The following NFIA variants were observed in gnomAD, a reference collection of about 807,000 sequenced individuals.
The protein encoded by NFIA is nuclear factor 1 A-type.
Under a neutral mutation model 62.8 loss-of-function variants are expected in NFIA, and 8 were observed. That is an observed-to-expected ratio of 0.13 (90% CI 0.07 to 0.23). NFIA has a LOEUF of 0.23. Ranked by LOEUF, NFIA falls within the 10% of genes least tolerant of loss-of-function variation. The pLI is 1.00. For missense variants in NFIA, 410 were observed against 642.1 expected, an observed-to-expected ratio of 0.64 and a Z score of 3.91; for synonymous variants, 235 against 238.1, an observed-to-expected ratio of 0.99 and a Z score of 0.12.
chr1:61,173,362 T>G lies in NFIA; in HGVS notation c.559+84682T>G, dbSNP rs539641777. On this transcript the variant is annotated intron_variant, in intron 2 of 10. Transcript: ENST00000403491. ...TGATCATGGGCAAGTCACTGACTTCTCCTTGCTTGAGATTTATTTTCTTCT... is the reference window on the plus strand; with the variant it reads ...TGATCATGGGCAAGTCACTGACTTCGCCTTGCTTGAGATTTATTTTCTTCT... Among the ~76,000 whole-genome samples, 14 of 152,288 alleles carry G rather than the reference T, an allele frequency of 9.2e-5. No individual in the cohort carries two copies. The East Asian group carries it at 1.4e-3, about 15-fold the overall frequency.
chr1:61,445,741 A>G (rs1308045138), intron 10 of NFIA, among the ~76,000 whole-genome samples: 1 of 152,198 alleles, frequency 6.6e-6, no homozygotes, highest in East Asian at 1.9e-4. Flanking sequence ...TCCCATCTAG[A>G]TTATATCAGT....
At chr1:61,200,531 G>T (rs1652401682) in intron 2 of NFIA, among the ~76,000 whole-genome samples, 1 of 152,074 alleles carries the variant, frequency 6.6e-6, no homozygotes, top group African/African-American at 2.4e-5. Flanking sequence ...GATTTGATCT[G>T]CCAGTCAACA....
chr1:61,298,982 GTAGT>G (rs1448026748), intron 3 of NFIA, among the ~76,000 whole-genome samples: 1 of 152,114 alleles, frequency 6.6e-6, no homozygotes, highest in Non-Finnish European at 1.5e-5. Flanking sequence ...TGTTTGTAGA[GTAGT>G]TATTTTGAAA....
intron 7 of NFIA, among the ~76,000 whole-genome samples, chr1:61,399,874 T>C (rs1665465088): frequency 1.3e-5 from 2 of 152,244 alleles, no homozygotes; most frequent in Non-Finnish European, 2.9e-5. Flanking sequence ...GGTTGTATTA[T>C]AGAAGTCTTG....
chr1:61,209,293 A>G (rs905343927), intron 2 of NFIA, among the ~76,000 whole-genome samples: 1 of 152,120 alleles, frequency 6.6e-6, no homozygotes, highest in Non-Finnish European at 1.5e-5. Context: ...CGTCGTGTGT[A>G]TACAGATTTG....
At chr1:61,354,409 T>C (rs1356392936) in intron 5 of NFIA, among the ~76,000 whole-genome samples, 1 of 152,212 alleles carries the variant, frequency 6.6e-6, no homozygotes, top group African/African-American at 2.4e-5. Context: ...CCGATCAATA[T>C]GTCTTCCTGC....
chr1:61,100,023 A>T (rs541322357), intron 2 of NFIA, among the ~76,000 whole-genome samples: 4 of 152,324 alleles, frequency 2.6e-5, no homozygotes, highest in African/African-American at 9.6e-5. Context: ...TAGACTTGAA[A>T]CTATGGATGG....
At chr1:61,161,742 T>C (rs572227632) in intron 2 of NFIA, among the ~76,000 whole-genome samples, 10 of 152,258 alleles carry the variant, frequency 6.6e-5, no homozygotes, top group African/African-American at 2.4e-4. Context: ...TTTACATTTA[T>C]ATATACACAC....
chr1:61,444,388 T>C (rs1274664794), intron 10 of NFIA, among the ~76,000 whole-genome samples: 1 of 152,214 alleles, frequency 6.6e-6, no homozygotes, highest in Non-Finnish European at 1.5e-5. Context: ...CCTCTGAGTC[T>C]GAAATGCCTG....
At chr1:61,315,434 C>T (rs41423747) in intron 3 of NFIA, among the ~76,000 whole-genome samples, 9,563 of 152,204 alleles carry the variant, frequency 0.063, 315 homozygotes, top group South Asian at 0.12. Flanking sequence ...TCTGTGACTA[C>T]GCTGCAACCT....
intron 4 of NFIA, among the ~76,000 whole-genome samples, chr1:61,333,771 G>A (rs532425712): frequency 6.6e-6 from 1 of 152,296 alleles, no homozygotes; most frequent in Non-Finnish European, 1.5e-5. Flanking sequence ...GCCGAGGCAG[G>A]TGGATCACTT....
At chr1:61,099,934 T>A (rs1001605888) in intron 2 of NFIA, among the ~76,000 whole-genome samples, 5 of 152,126 alleles carry the variant, frequency 3.3e-5, no homozygotes, top group Non-Finnish European at 7.4e-5. Context: ...GGTTATATGG[T>A]TAATAAGTGG....
chr1:61,263,958 C>G (rs750770768), intron 2 of NFIA, among the ~76,000 whole-genome samples: 14 of 151,934 alleles, frequency 9.2e-5, no homozygotes, highest in Non-Finnish European at 1.6e-4. Context: ...CCACTGCACT[C>G]CAGCCTGGGT....
rs1360188951 is a variant in NFIA, at chr1:61,441,331, G to GTGTGTGTGTGTGTC, written c.1513-13969_1513-13968insGTGTGTGTGTCTGT. ...TGTGTGTGTGTGTGTGTGTGTGTGT[G>GTGTGTGTGTGTGTC]TGTCTGTCTGTCTGTCTGTCTGTGT... On this transcript the variant is annotated intron_variant, in intron 10 of 10. Coordinates refer to ENST00000403491, the MANE Select transcript of NFIA (RefSeq NM_001134673.4). Among the ~76,000 whole-genome samples, 583 of 142,380 alleles carry GTGTGTGTGTGTGTC rather than the reference G, an allele frequency of 4.1e-3. 2 individuals are homozygous for GTGTGTGTGTGTGTC. Among genetic ancestry groups the GTGTGTGTGTGTGTC allele is most frequent in the Middle Eastern group, 0.01 (3 of 292 alleles). The allele number at this position is 142,380 out of a possible 152,430, so 93.4% of individuals were successfully genotyped here.
chr1:61,283,640 G>A (rs1658303592), intron 3 of NFIA, among the ~76,000 whole-genome samples: 1 of 147,490 alleles, frequency 6.8e-6, no homozygotes, highest in South Asian at 2.2e-4. Context: ...TTGTAATTTG[G>A]GGCTGAGAAG....
At chr1:61,249,846 A>G (rs1236207057) in intron 2 of NFIA, 1 of 152,134 alleles carries the variant, frequency 6.6e-6, no homozygotes, top group Admixed American at 6.5e-5. Context: ...ATTCGTTACC[A>G]TGTTCCTGCT....
chr1:61,291,759 A>G (rs1355687880), intron 3 of NFIA, among the ~76,000 whole-genome samples: 1 of 152,198 alleles, frequency 6.6e-6, no homozygotes, highest in African/African-American at 2.4e-5. Context: ...TGTATTGACT[A>G]TTCTGTCCCC....
intron 2 of NFIA, among the ~76,000 whole-genome samples, chr1:61,182,864 A>G (rs971008250): frequency 6.6e-6 from 1 of 152,242 alleles, no homozygotes; most frequent in Non-Finnish European, 1.5e-5. Flanking sequence ...ATTTAAAAAT[A>G]TTATTACTTA....
At chr1:61,343,922 C>T (rs537593495) in intron 4 of NFIA, among the ~76,000 whole-genome samples, 8 of 152,320 alleles carry the variant, frequency 5.3e-5, no homozygotes, top group African/African-American at 1.9e-4. Flanking sequence ...TTCGTGTTAC[C>T]TCTTATACAA....
Sources: gnomAD v4.1 joint callset for allele counts (sites outside exome capture counted in the v4.1 genomes callset) on GRCh38, gnomAD v4.1.1 for gene constraint, MANE v1.5 for transcripts, NCBI Gene and HGNC (gene_info 2026-07-23, HGNC 2026-07-21) for gene names.